The following P2RY14 variants were observed in gnomAD, a reference collection of about 807,000 sequenced individuals.
The protein encoded by P2RY14 is P2Y purinoceptor 14.
In P2RY14, 2 loss-of-function variants were observed where a neutral mutation model predicts 0.9. The ratio of observed to expected loss-of-function variants is 2.16; its 90% CI spans 0.88 to 6.79. The LOEUF is 6.79. Among genes scored for constraint, P2RY14 ranks in the 30% most tolerant of loss-of-function variants. The probability of loss-of-function intolerance (pLI) is 0.05; values close to 1 mark genes in which losing one functional copy is unlikely to be tolerated. For missense variants in P2RY14, 378 were observed against 400.1 expected, an observed-to-expected ratio of 0.94 and a Z score of 0.47; for synonymous variants, 158 against 147.2, an observed-to-expected ratio of 1.07 and a Z score of -0.53.
chr3:151,259,202 C>T (rs1457440175), intron 1 of P2RY14, among the ~76,000 whole-genome samples: 4 of 152,312 alleles, frequency 2.6e-5, no homozygotes, highest in South Asian at 2.1e-4. Flanking sequence ...TGTAGGATTA[C>T]GGCCACACAA....
At chr3:151,263,413 A>C (rs570112796) in intron 1 of P2RY14, among the ~76,000 whole-genome samples, 2 of 152,216 alleles carry the variant, frequency 1.3e-5, no homozygotes, top group Non-Finnish European at 2.9e-5. Context: ...ACAATTTGCT[A>C]TCATAGTGAA....
chr3:151,276,145 T>C lies in P2RY14; in HGVS notation c.-133+2142A>G, dbSNP rs1199897218. ...TGAAAACTGGATCTGTCCCAGGACATGGGGTCACCCAAAACTGAATGTGCA... is the reference window on the plus strand; with the variant it reads ...TGAAAACTGGATCTGTCCCAGGACACGGGGTCACCCAAAACTGAATGTGCA... On this transcript the variant is annotated intron_variant, in intron 1 of 2. Transcript: ENST00000309170. Among the ~76,000 whole-genome samples, 3 of 152,346 alleles carry C rather than the reference T, an allele frequency of 2.0e-5. No individual in the cohort carries two copies. The East Asian group carries it at 5.8e-4, about 29-fold the overall frequency.
chr3:151,263,631 A>G (rs1281866595), intron 1 of P2RY14, among the ~76,000 whole-genome samples: 2 of 152,186 alleles, frequency 1.3e-5, no homozygotes. Context: ...TTTAAGTGTT[A>G]TTTGAAAGAA....
intron 1 of P2RY14, among the ~76,000 whole-genome samples, chr3:151,270,519 C>T (rs541532746): frequency 3.3e-5 from 5 of 152,074 alleles, no homozygotes; most frequent in Admixed American, 2.0e-4. Flanking sequence ...AGAATTTTAG[C>T]GCTTTTCTTC....
At position 151,245,093 on chromosome 3, in the gene P2RY14, C is replaced by A. The variant is rs542676369; in HGVS notation, c.-132-25451G>T. On this transcript the variant is annotated intron_variant, in intron 1 of 2. Transcript: ENST00000309170. ...GGAAGAAGTTGAATCTCTGAATAGA[C>A]CAATAACAGCATCTGAAATTGTGGC... Among the ~76,000 whole-genome samples, 4 of 152,282 alleles carry A rather than the reference C, an allele frequency of 2.6e-5. No homozygotes were observed. In the South Asian group the frequency reaches 6.2e-4, roughly 24 times the overall value.
chr3:151,271,103 G>T (rs1367934896), intron 1 of P2RY14, among the ~76,000 whole-genome samples: 4 of 151,750 alleles, frequency 2.6e-5, no homozygotes, highest in African/African-American at 9.7e-5. Flanking sequence ...AGATTGGGGA[G>T]TAAATATTCA....
At chr3:151,234,844 C>A (rs1264682627) in intron 1 of P2RY14, among the ~76,000 whole-genome samples, 1 of 152,180 alleles carries the variant, frequency 6.6e-6, no homozygotes, top group Non-Finnish European at 1.5e-5. Flanking sequence ...CAGGGGTCAC[C>A]ATCACTCTCC....
intron 1 of P2RY14, among the ~76,000 whole-genome samples, chr3:151,276,959 C>G (rs531637206): frequency 1.3e-5 from 2 of 152,106 alleles, no homozygotes; most frequent in African/African-American, 2.4e-5. Flanking sequence ...TGCAGTGGCC[C>G]GATCTCAGCT....
chr3:151,216,302 CCTTGATG>C (rs1728206840), intron 2 of P2RY14, among the ~76,000 whole-genome samples: 1 of 152,150 alleles, frequency 6.6e-6, no homozygotes, highest in South Asian at 2.1e-4. Flanking sequence ...ACAGTGGGTA[CCTTGATG>C]TCAGAGAATG....
At chr3:151,220,730 G>A (rs1445787122) in intron 1 of P2RY14, among the ~76,000 whole-genome samples, 1 of 152,216 alleles carries the variant, frequency 6.6e-6, no homozygotes, top group Non-Finnish European at 1.5e-5. Flanking sequence ...CCACCATGTG[G>A]AACTGTAAGT....
chr3:151,216,290 G>C (rs574472879), intron 2 of P2RY14, among the ~76,000 whole-genome samples: 8 of 152,186 alleles, frequency 5.3e-5, no homozygotes, highest in Non-Finnish European at 1.0e-4. Context: ...AAGATTGTGG[G>C]AACAGTGGGT....
intron 1 of P2RY14, among the ~76,000 whole-genome samples, chr3:151,245,437 C>CA (rs1287125227): frequency 8.2e-5 from 12 of 146,206 alleles, no homozygotes; most frequent in Admixed American, 7.6e-4. Flanking sequence ...AAGTGGGCTT[C>CA]ATCCCTGGGA....
chr3:151,265,984 A>C (rs906802322), intron 1 of P2RY14, among the ~76,000 whole-genome samples: 19 of 152,108 alleles, frequency 1.2e-4, no homozygotes, highest in Admixed American at 7.2e-4. Context: ...AGAGGCATTT[A>C]ATTGTTGTCT....
At chr3:151,224,309 A>G (rs1313898035) in intron 1 of P2RY14, among the ~76,000 whole-genome samples, 1 of 152,054 alleles carries the variant, frequency 6.6e-6, no homozygotes, top group Non-Finnish European at 1.5e-5. Flanking sequence ...ATCTTTTTCT[A>G]TGAGATAAAT....
At chr3:151,256,746 A>T (rs558535268) in intron 1 of P2RY14, among the ~76,000 whole-genome samples, 1 of 152,216 alleles carries the variant, frequency 6.6e-6, no homozygotes, top group East Asian at 1.9e-4. Context: ...AAGGAGAACA[A>T]AAACTCATAC....
chr3:151,243,493 G>A (rs1373426962), intron 1 of P2RY14, among the ~76,000 whole-genome samples: 5 of 152,040 alleles, frequency 3.3e-5, no homozygotes, highest in South Asian at 4.2e-4. Context: ...TTTTCAACCT[G>A]GAATTTCATA....
chr3:151,246,535 T>G (rs1296831292), intron 1 of P2RY14, among the ~76,000 whole-genome samples: 3 of 152,142 alleles, frequency 2.0e-5, no homozygotes, highest in Admixed American at 6.5e-5. Flanking sequence ...ATTCCCTATT[T>G]AATAAATGGT....
chr3:151,246,682 A>G (rs1735576315), intron 1 of P2RY14, among the ~76,000 whole-genome samples: 1 of 152,226 alleles, frequency 6.6e-6, no homozygotes, highest in African/African-American at 2.4e-5. Context: ...AAGAAAACCT[A>G]GGCATTACCA....
At chr3:151,242,147 C>G (rs1734266766) in intron 1 of P2RY14, among the ~76,000 whole-genome samples, 1 of 152,208 alleles carries the variant, frequency 6.6e-6, no homozygotes, top group Non-Finnish European at 1.5e-5. Flanking sequence ...TCGCTGATTG[C>G]TAGCACAGCA....
Sources: allele counts gnomAD v4.1 joint callset (sites outside exome capture counted in the v4.1 genomes callset), GRCh38; gene constraint gnomAD v4.1.1; transcripts MANE v1.5; gene names NCBI Gene and HGNC (gene_info 2026-07-23, HGNC 2026-07-21).